BCO2: variants seen among roughly 807,000 people sequenced by gnomAD.
The protein encoded by BCO2 is carotenoid-cleaving dioxygenase, mitochondrial.
BCO2 carries 56 observed loss-of-function variants against 65.8 expected under a neutral mutation model. The ratio of observed to expected loss-of-function variants is 0.85; its 90% confidence interval spans 0.69 to 1.06. The LOEUF is 1.06. Ranked by LOEUF, BCO2 falls within the 50% of genes least tolerant of loss-of-function variation. The pLI, the probability that BCO2 is intolerant of heterozygous loss-of-function variation, is 0.00. For synonymous variants in BCO2, 233 were observed against 242.3 expected, an observed-to-expected ratio of 0.96 and a Z score of 0.36; for missense variants, 675 against 698.5, an observed-to-expected ratio of 0.97 and a Z score of 0.38.
At chr11:112,181,266 C>T (rs1867037817) in intron 2 of BCO2, 1 of 585,778 alleles carries the variant, frequency 1.7e-6, no homozygotes, top group African/African-American at 1.9e-5. Context: ...ACTGCAAGCT[C>T]CGCCTCCCGG....
intron 2 of BCO2, among the ~76,000 whole-genome samples, chr11:112,189,347 C>T (rs1441301938): frequency 1.4e-5 from 2 of 141,232 alleles, no homozygotes; most frequent in African/African-American, 2.7e-5. Context: ...CTAGCCAGAC[C>T]TTGTCTCTAC....
intron 1 of BCO2, among the ~76,000 whole-genome samples, chr11:112,176,913 T>A (rs1866902796): frequency 6.6e-6 from 1 of 152,172 alleles, no homozygotes; most frequent in Admixed American, 6.5e-5. Flanking sequence ...TAGGACAATG[T>A]CTCAGAAGCT....
At chr11:112,181,919 C>T in intron 2 of BCO2, 1 of 663,184 alleles carries the variant, frequency 1.5e-6, no homozygotes, top group Non-Finnish European at 2.7e-6. Flanking sequence ...TCAAGATGCT[C>T]TGTTAATGGG....
chr11:112,200,317 A>G (rs902446593), intron 6 of BCO2: 2 of 252,342 alleles, frequency 7.9e-6, no homozygotes, highest in Non-Finnish European at 1.5e-5. Context: ...CTTTAATACT[A>G]TACTTTTTTA....
At position 112,218,055 on chromosome 11, in the gene BCO2, A is replaced by G. The variant is rs1250207289; in HGVS notation, c.*181A>G. 1.8e-6 allele frequency: 1 copy of G among 542,538 alleles called. No homozygotes were observed. Among genetic ancestry groups the G allele is most frequent in the Non-Finnish European group, 3.3e-6 (1 of 306,326 alleles). The allele number at this position is 542,538 out of a possible 1,614,324, so 33.6% of individuals were successfully genotyped here. Reference sequence around the variant, plus strand: ...GGGTGATGGGTTCGTTAGAAGTCCAAACCTCAGCAGCACACAATATACTCA... The same window carrying G: ...GGGTGATGGGTTCGTTAGAAGTCCAGACCTCAGCAGCACACAATATACTCA... On this transcript the variant is annotated 3_prime_UTR_variant, in exon 12 of 12. Coordinates refer to ENST00000357685, the MANE Select transcript of BCO2 (RefSeq NM_031938.7).
chr11:112,183,308 A>C (rs1867108630), intron 2 of BCO2: 2 of 630,088 alleles, frequency 3.2e-6, no homozygotes, highest in Non-Finnish European at 5.8e-6. Flanking sequence ...TTTTAAAAAA[A>C]CATTTAGAGG....
chr11:112,202,017 C>T lies in BCO2; in HGVS notation c.1027-6C>T, dbSNP rs766624489. The T allele has an allele frequency of 3.8e-6, 6 of 1,564,068 alleles. No homozygotes were observed. In the South Asian group the frequency reaches 7.3e-5, roughly 19 times the overall value. ...TTTTTTTCATTGTTTGTGTTTTCCC[C>T]TGCAGCTCCTTCCAGGGAGATACTA... On this transcript the variant is annotated splice_region_variant and splice_polypyrimidine_tract_variant and intron_variant, in intron 7 of 11. Transcript: ENST00000357685.
In BCO2 at chr11:112,175,665, C is replaced by T. The variant is rs373466897; in HGVS notation, c.64C>T (p.Pro22Ser). The T allele has an allele frequency of 4.3e-6, 7 of 1,614,014 alleles. No individual in the cohort carries two copies. Among genetic ancestry groups the T allele is most frequent in the Middle Eastern group, 1.6e-4 (1 of 6,062 alleles). Reference sequence around the variant, plus strand: ...TTCTGCCACTGCAGTGGATTTCCTTCCTGTGATGGTGCACCGGCTCCCAGG... The same window carrying T: ...TTCTGCCACTGCAGTGGATTTCCTTTCTGTGATGGTGCACCGGCTCCCAGG... ...SHSATAVDFL[P>S]VMVHRLPVFK... Residue 22 changes from proline to serine, a missense_variant, in exon 1 of 12, where the codon CCT becomes TCT. Physicochemically the swap from Pro to Ser is moderately conservative, Grantham distance 74. Coordinates refer to ENST00000357685, the MANE Select transcript of BCO2 (RefSeq NM_031938.7).
At chr11:112,194,465 G>A (rs943766385) in intron 4 of BCO2, 188 bp from the exon 5 acceptor site, 3 of 525,922 alleles carry the variant, frequency 5.7e-6, no homozygotes, top group Non-Finnish European at 9.8e-6. Flanking sequence ...ATGTGTTTTT[G>A]TTTGTTGTTT....
chr11:112,198,863 T>C (rs1867650798), intron 5 of BCO2, among the ~76,000 whole-genome samples: 1 of 151,906 alleles, frequency 6.6e-6, no homozygotes, highest in African/African-American at 2.4e-5. Context: ...GCTATCTTTT[T>C]TTTTTTTTTG....
chr11:112,186,848 A>G (rs1867213772), intron 2 of BCO2, among the ~76,000 whole-genome samples: 1 of 152,186 alleles, frequency 6.6e-6, no homozygotes, highest in South Asian at 2.1e-4. Flanking sequence ...AAATTAAACA[A>G]AAGTAAAAAG....
chr11:112,180,681 G>A (rs1867013000), intron 2 of BCO2: 3 of 751,294 alleles, frequency 4.0e-6, no homozygotes, highest in African/African-American at 1.7e-5. Context: ...ATCCAAGTGG[G>A]TGGAGGGGGG....
intron 2 of BCO2, among the ~76,000 whole-genome samples, chr11:112,188,063 C>T (rs924150525): frequency 1.3e-5 from 2 of 152,144 alleles, no homozygotes; most frequent in African/African-American, 2.4e-5. Flanking sequence ...TCTCCCACCC[C>T]GCCCCCAGCT....
At position 112,214,846 on chromosome 11, in the gene BCO2, T is replaced by C. The variant is rs779902095; in HGVS notation, c.1417T>C (p.Phe473Leu). 1 of 1,614,106 alleles carries C rather than the reference T, an allele frequency of 6.2e-7. No individual in the cohort carries two copies. The highest frequency in any genetic ancestry group is 8.5e-7 in the Non-Finnish European group (1 of 1,179,946). Reference sequence around the variant, plus strand: ...ATTTCCTCAGATCTACTATGATCGATTCAGTGGCAAAAAGTATCATTTCTT... The same window carrying C: ...ATTTCCTCAGATCTACTATGATCGACTCAGTGGCAAAAAGTATCATTTCTT... ...IEFPQIYYDR[F>L]SGKKYHFFYG... The change falls in exon 10 of 12, where the codon TTC becomes CTC. Residue 473 changes from phenylalanine (F) to leucine (L), a missense_variant. Physicochemically the swap from Phe to Leu is conservative, Grantham distance 22. Coordinates refer to ENST00000357685, the MANE Select transcript of BCO2 (RefSeq NM_031938.7).
chr11:112,215,994 C>G (rs775227086), intron 10 of BCO2: 80 of 488,114 alleles, frequency 1.6e-4, no homozygotes, highest in Non-Finnish European at 2.3e-4. Flanking sequence ...TCACTTGTCA[C>G]CAAGGGGATG....
intron 1 of BCO2, among the ~76,000 whole-genome samples, chr11:112,178,931 A>G (rs1323412906): frequency 1.3e-5 from 2 of 152,236 alleles, no homozygotes; most frequent in African/African-American, 4.8e-5. Flanking sequence ...GTTGGCATGT[A>G]GATTTATTCT....
intron 2 of BCO2, among the ~76,000 whole-genome samples, chr11:112,188,576 A>T (rs1867273665): frequency 6.6e-6 from 1 of 151,772 alleles, no homozygotes; most frequent in Non-Finnish European, 1.5e-5. Context: ...TACCCCCTCA[A>T]CTGGCTGTTC....
chr11:112,190,998 A>G (rs887017437), intron 2 of BCO2, among the ~76,000 whole-genome samples: 1 of 150,042 alleles, frequency 6.7e-6, no homozygotes, highest in Non-Finnish European at 1.5e-5. Flanking sequence ...TATCTTATGT[A>G]TCTCTATCTA....
At chr11:112,187,838 C>T (rs1867246732) in intron 2 of BCO2, among the ~76,000 whole-genome samples, 1 of 151,828 alleles carries the variant, frequency 6.6e-6, no homozygotes, top group Admixed American at 6.6e-5. Context: ...TGTTCTGTCA[C>T]TGAGCAGCCC....
Sources: allele counts gnomAD v4.1 joint callset (sites outside exome capture counted in the v4.1 genomes callset), GRCh38; gene constraint gnomAD v4.1.1; transcripts MANE v1.5; gene names NCBI Gene and HGNC (gene_info 2026-07-23, HGNC 2026-07-21).